GALNT13: variants seen among roughly 807,000 people sequenced by gnomAD.
GALNT13 encodes the protein polypeptide N-acetylgalactosaminyltransferase 13, also known as UDP-GalNAc:polypeptide N-acetylgalactosaminyltransferase 13.
In GALNT13, 28 loss-of-function variants were observed where a neutral mutation model predicts 64.2. The ratio of observed to expected loss-of-function variants is 0.44; its 90% CI spans 0.32 to 0.60. The LOEUF (loss-of-function observed/expected upper bound fraction) is 0.60, where lower values mean the gene tolerates loss of function less well. Ranked by LOEUF, GALNT13 falls within the 20% of genes least tolerant of loss-of-function variation. The probability of loss-of-function intolerance (pLI) is 0.05; values close to 1 mark genes in which losing one functional copy is unlikely to be tolerated. For missense variants in GALNT13, 577 were observed against 669.8 expected (o/e 0.86, Z 1.53); for synonymous variants, 214 against 224.6 (o/e 0.95, Z 0.42).
At chr2:153,985,457 T>C (rs982060431) in intron 3 of GALNT13, among the ~76,000 whole-genome samples, 2 of 152,006 alleles carry the variant, frequency 1.3e-5, no homozygotes, top group Non-Finnish European at 2.9e-5. Context: ...TCCATTCTAC[T>C]TTGATAATTT....
At chr2:153,315,605 C>T in the GALNT13 span, among the ~76,000 whole-genome samples, 1 of 152,294 alleles carries the variant, frequency 6.6e-6, no homozygotes, top group Admixed American at 6.5e-5. Context: ...TTTTAGCCAT[C>T]ATTCCATTAT....
the GALNT13 span, among the ~76,000 whole-genome samples, chr2:153,343,635 A>T: frequency 6.6e-6 from 1 of 152,146 alleles, no homozygotes; most frequent in Admixed American, 6.5e-5. Context: ...CTTGCATAAC[A>T]TTTCCATATT....
At chr2:153,571,294 G>A in the GALNT13 span, among the ~76,000 whole-genome samples, 2 of 151,834 alleles carry the variant, frequency 1.3e-5, no homozygotes, top group Admixed American at 6.6e-5. Flanking sequence ...ACTGATTTTT[G>A]TATTTGGTAC....
intron 2 of GALNT13, among the ~76,000 whole-genome samples, chr2:153,932,928 C>T (rs539691535): frequency 5.7e-4 from 87 of 151,932 alleles, no homozygotes; most frequent in Non-Finnish European, 1.0e-3. Flanking sequence ...GTGCCTGGCC[C>T]GACAGATCTT....
the GALNT13 span, among the ~76,000 whole-genome samples, chr2:153,833,166 T>C: frequency 1.3e-5 from 2 of 152,270 alleles, no homozygotes; most frequent in East Asian, 3.9e-4. Context: ...AGTAGCCCTT[T>C]TGGTCATCAG....
chr2:154,146,219 G>C (rs1210918288), intron 4 of GALNT13, among the ~76,000 whole-genome samples: 1 of 151,350 alleles, frequency 6.6e-6, no homozygotes, highest in African/African-American at 2.4e-5. Context: ...GTGGATATAA[G>C]TATTATTATC....
At chr2:153,214,752 G>A in the GALNT13 span, among the ~76,000 whole-genome samples, 1 of 152,008 alleles carries the variant, frequency 6.6e-6, no homozygotes, top group African/African-American at 2.4e-5. Flanking sequence ...CTTAGAAGTC[G>A]ACTGTGAAAA....
the GALNT13 span, among the ~76,000 whole-genome samples, chr2:153,774,345 T>C: frequency 6.6e-6 from 1 of 152,108 alleles, no homozygotes. Flanking sequence ...TCCATATTTT[T>C]CTAATATGTA....
chr2:154,175,364 T>G (rs544118666), intron 4 of GALNT13, among the ~76,000 whole-genome samples: 3 of 152,204 alleles, frequency 2.0e-5, no homozygotes, highest in Non-Finnish European at 2.9e-5. Context: ...AACAAGACAC[T>G]TTCAATGTAA....
chr2:153,142,192 T>G, the GALNT13 span, among the ~76,000 whole-genome samples: 2 of 152,076 alleles, frequency 1.3e-5, 1 homozygote, highest in South Asian at 4.1e-4. Flanking sequence ...TGTGAGAGAT[T>G]ATGCATTTGG....
At chr2:154,187,362 A>G (rs1173198214) in intron 4 of GALNT13, among the ~76,000 whole-genome samples, 2 of 132,488 alleles carry the variant, frequency 1.5e-5, no homozygotes, top group Non-Finnish European at 1.6e-5. Flanking sequence ...AGAAAGAGAT[A>G]GGAGAAAACA....
the GALNT13 span, among the ~76,000 whole-genome samples, chr2:153,578,018 T>C: frequency 6.6e-6 from 1 of 151,960 alleles, no homozygotes; most frequent in African/African-American, 2.4e-5. Flanking sequence ...TATACTTTTA[T>C]GCACATGCAT....
intron 3 of GALNT13, among the ~76,000 whole-genome samples, chr2:154,097,608 C>T (rs1702139124): frequency 6.6e-6 from 1 of 151,702 alleles, no homozygotes; most frequent in Admixed American, 6.6e-5. Flanking sequence ...TCCGATAATG[C>T]AGTACTCATA....
chr2:153,386,648 G>A, the GALNT13 span, among the ~76,000 whole-genome samples: 24 of 152,094 alleles, frequency 1.6e-4, no homozygotes, highest in East Asian at 2.9e-3. Context: ...TTTACTCTCC[G>A]CTTGGAAACT....
At chr2:153,963,052 G>T (rs893904589) in intron 3 of GALNT13, among the ~76,000 whole-genome samples, 2 of 152,136 alleles carry the variant, frequency 1.3e-5, no homozygotes, top group Non-Finnish European at 2.9e-5. Flanking sequence ...TTTCTTACAC[G>T]TTTGGAGGCT....
At chr2:153,672,287 A>G in the GALNT13 span, among the ~76,000 whole-genome samples, 13 of 152,202 alleles carry the variant, frequency 8.5e-5, no homozygotes, top group Admixed American at 2.6e-4. Context: ...TCTAAAATTG[A>G]CCACATAATT....
chr2:153,601,925 C>A, the GALNT13 span, among the ~76,000 whole-genome samples: 74 of 151,886 alleles, frequency 4.9e-4, 1 homozygote, highest in East Asian at 0.013. Flanking sequence ...TGGGATTTAG[C>A]CATGGTGAAT....
At chr2:153,546,352 C>T in the GALNT13 span, among the ~76,000 whole-genome samples, 1 of 152,148 alleles carries the variant, frequency 6.6e-6, no homozygotes, top group Non-Finnish European at 1.5e-5. Flanking sequence ...TCATTTTCAT[C>T]CCCTGGATTC....
At chr2:154,101,487 T>C (rs1702346835) in intron 3 of GALNT13, among the ~76,000 whole-genome samples, 1 of 152,106 alleles carries the variant, frequency 6.6e-6, no homozygotes, top group Non-Finnish European at 1.5e-5. Flanking sequence ...TTCCGTGGTA[T>C]CAACTGCACT....
Sources: gnomAD v4.1 joint callset for allele counts (sites outside exome capture counted in the v4.1 genomes callset) on GRCh38, gnomAD v4.1.1 for gene constraint, MANE v1.5 for transcripts, NCBI Gene and HGNC (gene_info 2026-07-23, HGNC 2026-07-21) for gene names.